Variants in NAV2 observed in about 807,000 individuals in gnomAD.
The protein encoded by NAV2 is helicase, APC down-regulated 1.
In NAV2, 54 loss-of-function variants were observed where a neutral mutation model predicts 223.2. The observed-to-expected ratio is 0.24, with a 90% CI of 0.19 to 0.30. NAV2 has a LOEUF of 0.30. Ranked by LOEUF, NAV2 falls within the 10% of genes least tolerant of loss-of-function variation. The pLI is 1.00. For missense variants in NAV2, 2,806 were observed against 3,147.5 expected (o/e 0.89, Z 2.60); for synonymous variants, 1,279 against 1,239.3 (o/e 1.03, Z -0.67).
chr11:19,448,455 C>T (rs78730376), intron 1 of NAV2, among the ~76,000 whole-genome samples: 1 of 152,194 alleles, frequency 6.6e-6, no homozygotes, highest in Non-Finnish European at 1.5e-5. Context: ...AAGCATTATC[C>T]TCAGAAGCAA....
At chr11:20,077,351 G>T (rs534229637) in intron 22 of NAV2, among the ~76,000 whole-genome samples, 1 of 152,014 alleles carries the variant, frequency 6.6e-6, no homozygotes, top group African/African-American at 2.4e-5. Context: ...CCTAAGATGG[G>T]AAGGAGCACG....
At chr11:19,420,265 A>T (rs1850554459) in intron 1 of NAV2, among the ~76,000 whole-genome samples, 1 of 152,228 alleles carries the variant, frequency 6.6e-6, no homozygotes, top group Non-Finnish European at 1.5e-5. Flanking sequence ...ATGGCTAATT[A>T]AAAAGATAAA....
intron 1 of NAV2, among the ~76,000 whole-genome samples, chr11:19,733,274 A>G (rs2051980912): frequency 6.6e-6 from 1 of 152,216 alleles, no homozygotes; most frequent in South Asian, 2.1e-4. Flanking sequence ...AGTTGTCTCT[A>G]TCACTCTGTG....
chr11:20,049,722 T>C (rs1049347574), intron 15 of NAV2, 114 bp from the exon 16 acceptor site: 10 of 980,526 alleles, frequency 1.0e-5, no homozygotes, highest in Non-Finnish European at 1.3e-5. Context: ...TTTCTGCATA[T>C]AGGGAAGAAA....
intron 5 of NAV2, among the ~76,000 whole-genome samples, chr11:19,882,838 C>T (rs1451642475): frequency 6.6e-6 from 1 of 152,200 alleles, no homozygotes; most frequent in Admixed American, 6.5e-5. Context: ...TGTATGTCCT[C>T]ATCCCTTCAT....
chr11:19,565,789 C>T (rs2045248085), intron 1 of NAV2, among the ~76,000 whole-genome samples: 1 of 152,228 alleles, frequency 6.6e-6, no homozygotes, highest in South Asian at 2.1e-4. Flanking sequence ...AAGACACTGT[C>T]ATGCAATGTA....
chr11:19,755,072 C>T (rs2054129953), intron 1 of NAV2, among the ~76,000 whole-genome samples: 1 of 152,162 alleles, frequency 6.6e-6, no homozygotes, highest in African/African-American at 2.4e-5. Flanking sequence ...CAGATCATGG[C>T]CCTTGGGATC....
chr11:19,854,586 C>A (rs2152988306), intron 3 of NAV2, among the ~76,000 whole-genome samples: 1 of 152,256 alleles, frequency 6.6e-6, no homozygotes, highest in South Asian at 2.1e-4. Flanking sequence ...TGTCTTATAC[C>A]TAACCCGTTT....
At chr11:19,358,734 C>T (rs1564874300) in intron 1 of NAV2, among the ~76,000 whole-genome samples, 3 of 152,174 alleles carry the variant, frequency 2.0e-5, no homozygotes. Context: ...AAGGTTCCTT[C>T]AGACCCCCTC....
At chr11:19,586,820 G>A (rs2045913939) in intron 1 of NAV2, among the ~76,000 whole-genome samples, 1 of 152,228 alleles carries the variant, frequency 6.6e-6, no homozygotes. Context: ...GGCTACTTGG[G>A]GGTCAGGGAC....
chr11:19,771,391 C>G (rs994964713), intron 1 of NAV2, among the ~76,000 whole-genome samples: 1 of 152,108 alleles, frequency 6.6e-6, no homozygotes, highest in Non-Finnish European at 1.5e-5. Flanking sequence ...TAGTTTTGCT[C>G]TGAGTCTTGA....
At chr11:19,368,064 G>A (rs1172273035) in intron 1 of NAV2, among the ~76,000 whole-genome samples, 1 of 152,190 alleles carries the variant, frequency 6.6e-6, no homozygotes, top group African/African-American at 2.4e-5. Context: ...CAGAAGGGCA[G>A]GCTGATGGAG....
In NAV2 at chr11:19,832,360, T is replaced by C. The variant is rs771943600; in HGVS notation, c.268-124T>C. On this transcript the variant is annotated intron_variant, in intron 1 of 37. Coordinates refer to ENST00000349880, the MANE Select transcript of NAV2 (RefSeq NM_145117.5). ...AGCACAATGCACTGAATTTTAATGG[T>C]GCTGGCTGGCCCTGAAAGCTCACCA... 4.1e-6 allele frequency: 3 copies of C among 724,934 alleles called. No homozygotes were observed. The Admixed American group carries it at 5.8e-5, about 14-fold the overall frequency. 44.9% of individuals were successfully genotyped at this position (724,934 alleles called of 1,614,324 possible). A position where few individuals can be genotyped will look rare whatever the true frequency, so the allele number is the denominator to read the frequency against.
At chr11:19,590,178 T>A (rs1338567922) in intron 1 of NAV2, among the ~76,000 whole-genome samples, 1 of 152,208 alleles carries the variant, frequency 6.6e-6, no homozygotes, top group Non-Finnish European at 1.5e-5. Context: ...GAGGATTAGA[T>A]GAGGTAATGC....
intron 1 of NAV2, among the ~76,000 whole-genome samples, chr11:19,624,884 G>T (rs1263583125): frequency 6.6e-6 from 1 of 152,018 alleles, no homozygotes; most frequent in Admixed American, 6.6e-5. Context: ...TACCTATTCG[G>T]CCATCTTGGA....
At chr11:20,015,967 C>CA (rs2053970663) in intron 11 of NAV2, among the ~76,000 whole-genome samples, 1 of 152,180 alleles carries the variant, frequency 6.6e-6, no homozygotes, top group African/African-American at 2.4e-5. Context: ...GATTTGGCTC[C>CA]AGTCTGTCGC....
intron 1 of NAV2, among the ~76,000 whole-genome samples, chr11:19,379,161 C>T (rs1205735040): frequency 2.6e-5 from 4 of 152,088 alleles, no homozygotes; most frequent in South Asian, 2.1e-4. Context: ...CATAGATCCA[C>T]GGGGCTGGTG....
chr11:19,847,192 G>T (rs932030186), intron 3 of NAV2, among the ~76,000 whole-genome samples: 1 of 152,228 alleles, frequency 6.6e-6, no homozygotes, highest in East Asian at 1.9e-4. Flanking sequence ...TTCCCAATTT[G>T]AACTCACTGT....
chr11:19,955,315 AG>A (rs1332882788), intron 10 of NAV2, among the ~76,000 whole-genome samples: 1 of 152,012 alleles, frequency 6.6e-6, no homozygotes, highest in Non-Finnish European at 1.5e-5. Flanking sequence ...ACTTGAGTCC[AG>A]GAGGTTGAGG....
Sources: allele counts gnomAD v4.1 joint callset (sites outside exome capture counted in the v4.1 genomes callset), GRCh38; gene constraint gnomAD v4.1.1; transcripts MANE v1.5; gene names NCBI Gene and HGNC (gene_info 2026-07-23, HGNC 2026-07-21).